SRFBP1: variants seen among roughly 807,000 people sequenced by gnomAD.
The protein encoded by SRFBP1 is serum response factor binding protein 1, also known as serum response factor-binding protein 1.
A neutral mutation model predicts 45.5 loss-of-function variants in SRFBP1; 47 were observed. The observed-to-expected ratio is 1.03, with a 90% CI of 0.82 to 1.32. The LOEUF is 1.32. SRFBP1 is among the 40% of genes most tolerant of loss of function. The pLI, the probability that SRFBP1 is intolerant of heterozygous loss-of-function variation, is 0.00. For synonymous variants in SRFBP1, 203 were observed against 166.3 expected, an observed-to-expected ratio of 1.22 and a Z score of -1.70; for missense variants, 621 against 484.6, an observed-to-expected ratio of 1.28 and a Z score of -2.64.
intron 7 of SRFBP1, among the ~76,000 whole-genome samples, chr5:122,025,424 G>A (rs957179797): frequency 5.3e-5 from 8 of 152,094 alleles, no homozygotes; most frequent in Non-Finnish European, 5.9e-5. Flanking sequence ...ATAAACATAC[G>A]TGTGCATGTG....
downstream of SRFBP1, chr5:122,077,660 G>A: frequency 6.2e-7 from 1 of 1,606,952 alleles, no homozygotes. The surrounding 1 kb of genome is among the most constrained non-coding windows in gnomAD (Gnocchi z 4.9). Context: ...GACTCCAGAT[G>A]AGCCGGCCGT....
rs375256331 is a variant in SRFBP1 at position 122,073,181 on chromosome 5, C to G, written n.312-2134C>G. On this transcript the variant is annotated intron_variant and non_coding_transcript_variant, in intron 2 of 2. Transcript: ENST00000504881. ...CCCTCAGTTATGTACATTCACTACCCCTTGCCAAGATCTGGGCGGGAGTCA... is the reference window on the plus strand; with the variant it reads ...CCCTCAGTTATGTACATTCACTACCGCTTGCCAAGATCTGGGCGGGAGTCA... 3.9e-4 allele frequency among the ~76,000 whole-genome samples: 59 copies of G among 152,284 alleles called. 1 individual carries two copies. In the East Asian group the frequency reaches 7.5e-3, roughly 19 times the overall value.
intron 2 of SRFBP1, 70 bp downstream of exon 2, chr5:121,974,354 A>G: frequency 8.9e-7 from 1 of 1,124,784 alleles, no homozygotes; most frequent in Non-Finnish European, 1.3e-6. Context: ...GATACTTTAA[A>G]ATGTTTAGGG....
At chr5:122,002,981 A>T (rs565274552) in intron 4 of SRFBP1, among the ~76,000 whole-genome samples, 1 of 152,314 alleles carries the variant, frequency 6.6e-6, no homozygotes, top group East Asian at 1.9e-4. Context: ...TGTCTTTGTC[A>T]GAAAAGCAAC....
chr5:121,974,158 A>G (rs200345002), intron 1 of SRFBP1, 38 bp from the exon 2 acceptor site: 1 of 1,422,562 alleles, frequency 7.0e-7, no homozygotes, highest in East Asian at 2.3e-5. Flanking sequence ...TTCCTGAAGT[A>G]AGTGCCTTTC....
At chr5:122,049,988 T>C (rs1753940508) in intron 2 of SRFBP1, among the ~76,000 whole-genome samples, 2 of 152,098 alleles carry the variant, frequency 1.3e-5, no homozygotes, top group South Asian at 4.1e-4. Context: ...CTTTTCTGCA[T>C]CTATTTAGAT....
intron 4 of SRFBP1, among the ~76,000 whole-genome samples, chr5:121,997,443 G>A (rs1376457912): frequency 6.6e-6 from 1 of 151,782 alleles, no homozygotes; most frequent in Non-Finnish European, 1.5e-5. Flanking sequence ...AAATGGTGCT[G>A]GGAAAACTGG....
At chr5:122,006,014 T>A (rs1752965308) in intron 4 of SRFBP1, among the ~76,000 whole-genome samples, 1 of 152,218 alleles carries the variant, frequency 6.6e-6, no homozygotes, top group South Asian at 2.1e-4. Flanking sequence ...TTTATTTTAG[T>A]GTTAAAATTA....
intron 4 of SRFBP1, among the ~76,000 whole-genome samples, chr5:122,015,566 A>G (rs928103003): frequency 1.3e-5 from 2 of 152,210 alleles, no homozygotes; most frequent in Admixed American, 6.5e-5. Flanking sequence ...TTGTGTCGTG[A>G]GTGCAGACAT....
intron 1 of SRFBP1, among the ~76,000 whole-genome samples, chr5:121,967,495 CAAT>C (rs1752096411): frequency 6.6e-6 from 1 of 152,100 alleles, no homozygotes. Context: ...GTAAAATCAA[CAAT>C]AAGTTATCAT....
intron 4 of SRFBP1, among the ~76,000 whole-genome samples, chr5:122,017,806 A>G (rs1219329752): frequency 6.6e-6 from 1 of 152,212 alleles, no homozygotes; most frequent in East Asian, 1.9e-4. Flanking sequence ...ACTGTTCACA[A>G]TGAAGGGTAA....
At chr5:122,016,956 C>T (rs1447253690) in intron 4 of SRFBP1, among the ~76,000 whole-genome samples, 12 of 152,084 alleles carry the variant, frequency 7.9e-5, no homozygotes, top group Admixed American at 5.9e-4. Context: ...ATTGGCCAGG[C>T]GCGGTGGCTC....
chr5:122,039,196 A>T (rs1367190109), intron 2 of SRFBP1, among the ~76,000 whole-genome samples: 1 of 152,088 alleles, frequency 6.6e-6, no homozygotes, highest in Non-Finnish European at 1.5e-5. Flanking sequence ...ATTTGTCCTT[A>T]CTCATCCTAA....
chr5:122,057,124 T>C (rs1426628492), intron 2 of SRFBP1, among the ~76,000 whole-genome samples: 1 of 152,192 alleles, frequency 6.6e-6, no homozygotes, highest in Non-Finnish European at 1.5e-5. Flanking sequence ...GTAACCTCTT[T>C]GAAAATGTTC....
chr5:122,048,065 G>A (rs772582858), intron 2 of SRFBP1, among the ~76,000 whole-genome samples: 13 of 151,992 alleles, frequency 8.6e-5, no homozygotes, highest in Non-Finnish European at 1.6e-4. Context: ...TGCCCTGCCC[G>A]GAACTTCCAA....
intron 2 of SRFBP1, chr5:122,066,417 T>A: frequency 3.6e-6 from 1 of 276,552 alleles, no homozygotes; most frequent in Non-Finnish European, 6.8e-6. Context: ...TAGATAATAC[T>A]GACCATTTTG....
At chr5:122,070,499 G>C (rs776302936) in intron 2 of SRFBP1, 1 of 1,573,964 alleles carries the variant, frequency 6.4e-7, no homozygotes, top group African/African-American at 1.4e-5. Context: ...TTTACCTTTA[G>C]GATATAGTTT....
At chr5:122,030,795 C>T (rs145165355), downstream of SRFBP1, among the ~76,000 whole-genome samples, 621 of 152,202 alleles carry the variant, frequency 4.1e-3, 15 homozygotes, top group East Asian at 0.053. Context: ...AACCACACTA[C>T]TAAGTTTAAT....
intron 4 of SRFBP1, among the ~76,000 whole-genome samples, chr5:122,003,191 A>G (rs934730464): frequency 1.3e-5 from 2 of 151,912 alleles, no homozygotes; most frequent in African/African-American, 4.8e-5. Flanking sequence ...AAAACATCCA[A>G]AAAATAAGCT....
Sources: allele counts gnomAD v4.1 joint callset (sites outside exome capture counted in the v4.1 genomes callset), GRCh38; gene constraint gnomAD v4.1.1; non-coding constraint Gnocchi (gnomAD v3.1); transcripts MANE v1.5; gene names NCBI Gene and HGNC (gene_info 2026-07-23, HGNC 2026-07-21).